Variants in HNRNPUL2 observed in about 807,000 individuals in gnomAD.
HNRNPUL2 encodes the protein heterogeneous nuclear ribonucleoprotein U like 2.
HNRNPUL2 carries 27 observed loss-of-function variants against 102.2 expected under a neutral mutation model. That is an observed-to-expected ratio of 0.26 (90% confidence interval 0.19 to 0.36). The LOEUF (loss-of-function observed/expected upper bound fraction) is 0.36, where lower values mean the gene tolerates loss of function less well. Ranked by LOEUF, HNRNPUL2 falls within the 10% of genes least tolerant of loss-of-function variation. The pLI, the probability that HNRNPUL2 is intolerant of heterozygous loss-of-function variation, is 1.00. For missense variants in HNRNPUL2, 936 were observed against 981.1 expected, an observed-to-expected ratio of 0.95 and a Z score of 0.61; for synonymous variants, 458 against 387.2, an observed-to-expected ratio of 1.18 and a Z score of -2.15.
At chr11:62,717,577 C>T (rs927529293) in intron 10 of HNRNPUL2, among the ~76,000 whole-genome samples, 1 of 152,182 alleles carries the variant, frequency 6.6e-6, no homozygotes, top group East Asian at 1.9e-4. Flanking sequence ...CAGAGATGGC[C>T]GGGCATGGTG....
chr11:62,722,771 T>TC (rs2083713421), intron 5 of HNRNPUL2, 42 bp downstream of exon 5: 1 of 1,605,414 alleles, frequency 6.2e-7, no homozygotes, highest in Non-Finnish European at 8.5e-7. Flanking sequence ...GTAAGCAATA[T>TC]GGTAGTAAAC....
rs1024830266 is a variant in HNRNPUL2 at position 62,722,445 on chromosome 11, A to G, written c.1096-65T>C. 883 of 1,560,092 alleles carry G rather than the reference A, an allele frequency of 5.7e-4. 2 individuals are homozygous for G. Among genetic ancestry groups the G allele is most frequent in the Non-Finnish European group, 4.5e-4 (516 of 1,143,838 alleles). ...GGCTTTGGGTTGATTAAACTTTACA[A>G]TTTATTCTTTTTTCACACAGACTGC... On this transcript the variant is annotated intron_variant, in intron 6 of 13. Coordinates refer to ENST00000301785, the MANE Select transcript of HNRNPUL2 (RefSeq NM_001079559.3).
chr11:62,720,602 A>C (rs536006494), intron 9 of HNRNPUL2, among the ~76,000 whole-genome samples: 1 of 149,218 alleles, frequency 6.7e-6, no homozygotes, highest in Non-Finnish European at 1.5e-5. Flanking sequence ...CACGCCTATA[A>C]TCCTGTTATC....
rs1054983993 is a variant in HNRNPUL2 at position 62,723,094 on chromosome 11, C to T, written c.892-191G>A. Reference sequence around the variant, plus strand: ...ACTGAAACTAAGGTTCTTGTTAAAGCACAGTGCTTTTACCTACCTGCACTA... The same window carrying T: ...ACTGAAACTAAGGTTCTTGTTAAAGTACAGTGCTTTTACCTACCTGCACTA... On this transcript the variant is annotated intron_variant, in intron 4 of 13. Transcript: ENST00000301785. 2.0e-5 allele frequency among the ~76,000 whole-genome samples: 3 copies of T among 152,230 alleles called. No homozygotes were observed. In the East Asian group the frequency reaches 5.8e-4, roughly 29 times the overall value.
Position 62,727,350 on chromosome 11 carries a change from C to T in HNRNPUL2, c.-194G>A. Reference sequence around the variant, plus strand: ...TGCGCAGTGTTTGCTTCTCCTTCGTCTCCCCTCCCCCTTTCGGCTCACGGA... The same window carrying T: ...TGCGCAGTGTTTGCTTCTCCTTCGTTTCCCCTCCCCCTTTCGGCTCACGGA... On this transcript the variant is annotated 5_prime_UTR_variant, in exon 1 of 14. Coordinates refer to ENST00000301785, the MANE Select transcript of HNRNPUL2 (RefSeq NM_001079559.3). The T allele has an allele frequency of 4.8e-6, 3 of 620,786 alleles. No individual in the cohort carries two copies. The highest frequency in any genetic ancestry group is 6.8e-6 in the Non-Finnish European group (3 of 442,462). 38.5% of individuals were successfully genotyped at this position (620,786 alleles called of 1,614,324 possible).
chr11:62,724,534 A>C, intron 1 of HNRNPUL2, 108 bp from the exon 2 acceptor site: 1 of 1,240,780 alleles, frequency 8.1e-7, no homozygotes. Context: ...TGATCAAAAC[A>C]GCCAGGTTAT....
chr11:62,720,293 C>T (rs2083690849), intron 9 of HNRNPUL2, 102 bp from the exon 10 acceptor site: 2 of 1,144,368 alleles, frequency 1.7e-6, no homozygotes, highest in South Asian at 2.8e-5. Flanking sequence ...CGCCTGTAAT[C>T]CTAGCACTTT....
At position 62,721,337 on chromosome 11, in the gene HNRNPUL2, G is replaced by A. The variant is rs779734767; in HGVS notation, c.1569C>T (p.Val523=). The change falls in exon 9 of 14, where the codon GTC becomes GTT. Residue 523 remains valine, a synonymous_variant. Transcript: ENST00000301785. ...QQASQCLSKL[V]QIASRTKRNF... Reference sequence around the variant, plus strand: ...TCCTCTTTGTCCGGGAAGCAATCTGGACCAGCTTACTAAGGCACTGGGAGG... The same window carrying A: ...TCCTCTTTGTCCGGGAAGCAATCTGAACCAGCTTACTAAGGCACTGGGAGG... 6.2e-7 allele frequency: 1 copy of A among 1,608,786 alleles called. No homozygotes were observed. Among genetic ancestry groups the A allele is most frequent in the African/African-American group, 1.3e-5 (1 of 74,446 alleles).
rs1437028659 is a variant in HNRNPUL2 at position 62,726,704 on chromosome 11, C to T, written c.453G>A (p.Lys151=). 2.5e-6 allele frequency: 4 copies of T among 1,600,608 alleles called. No individual in the cohort carries two copies. Among genetic ancestry groups the T allele is most frequent in the East Asian group, 4.5e-5 (2 of 44,854 alleles). The change falls in exon 1 of 14, where the codon AAG becomes AAA. Residue 151 remains lysine, a synonymous_variant. Coordinates refer to ENST00000301785, the MANE Select transcript of HNRNPUL2 (RefSeq NM_001079559.3). The part of the protein sequence containing the change: ...VNGGEEQGLG[K]REEDEPEERS... ...GCTCCTCGGGTTCGTCTTCCTCCCT[C>T]TTGCCGAGGCCCTGCTCTTCGCCAC...
In HNRNPUL2 at chr11:62,722,099, G is replaced by T. The variant is rs374190723; in HGVS notation, c.1359+18C>A. Reference sequence around the variant, plus strand: ...TGCAAAGCATACAACCTCAGTGTTCGTATACTGTTTGGCATACCTCACATT... The same window carrying T: ...TGCAAAGCATACAACCTCAGTGTTCTTATACTGTTTGGCATACCTCACATT... On this transcript the variant is annotated intron_variant, in intron 7 of 13. Transcript: ENST00000301785. 9 of 1,611,256 alleles carry T rather than the reference G, an allele frequency of 5.6e-6. No individual in the cohort carries two copies. The highest frequency in any genetic ancestry group is 7.6e-6 in the Non-Finnish European group (9 of 1,178,248).
chr11:62,723,615 G>C lies in HNRNPUL2; in HGVS notation c.863C>G (p.Thr288Arg). ...WSGARSTYGV[T>R]KGKVCFEAKV... The stretch of plus-strand genomic sequence containing the variant: ...TGCCTCAAAGCAGACTTTTCCCTTT[G>C]TCACTCCGTAAGTACTCCTTGCCCC... Residue 288 changes from threonine to arginine, a missense_variant, in exon 4 of 14, where the codon ACA (threonine) becomes AGA (arginine). By Grantham distance (71) the Thr-to-Arg change is moderately conservative. Around this residue, in one of 2 missense-constraint regions of HNRNPUL2, gnomAD observed 609 missense variants for 713.0 expected, o/e 0.85. Coordinates refer to ENST00000301785, the MANE Select transcript of HNRNPUL2 (RefSeq NM_001079559.3). 2 of 1,612,456 alleles carry C rather than the reference G, an allele frequency of 1.2e-6. No individual in the cohort carries two copies. Among genetic ancestry groups the C allele is most frequent in the Middle Eastern group, 1.7e-4 (1 of 6,060 alleles).
chr11:62,716,843 C>G, intron 11 of HNRNPUL2, 146 bp downstream of exon 11: 5 of 680,578 alleles, frequency 7.3e-6, no homozygotes, highest in Non-Finnish European at 1.2e-5. Context: ...GGATAAAGAA[C>G]ACAGGAAGAA....
At chr11:62,722,088 C>A (rs931817733) in intron 7 of HNRNPUL2, 29 bp downstream of exon 7, 8 of 1,608,136 alleles carry the variant, frequency 5.0e-6, no homozygotes, top group Non-Finnish European at 6.8e-6. Context: ...AAGCATACAA[C>A]CTCAGTGTTC....
intron 10 of HNRNPUL2, among the ~76,000 whole-genome samples, chr11:62,717,898 G>C (rs1057295638): frequency 1.3e-5 from 2 of 152,230 alleles, no homozygotes; most frequent in African/African-American, 4.8e-5. Context: ...GTCCGTGATA[G>C]GCCAGCACAT....
At chr11:62,724,770 C>T (rs879607900) in intron 1 of HNRNPUL2, among the ~76,000 whole-genome samples, 1 of 152,162 alleles carries the variant, frequency 6.6e-6, no homozygotes, top group Non-Finnish European at 1.5e-5. Flanking sequence ...AAGAAAACCT[C>T]AAAGGTTAAT....
chr11:62,714,500 A>C lies in HNRNPUL2; in HGVS notation c.*799T>G, dbSNP rs995750194. 4 of 152,266 alleles carry C rather than the reference A, an allele frequency of 2.6e-5. No homozygotes were observed. Among genetic ancestry groups the C allele is most frequent in the African/African-American group, 9.6e-5 (4 of 41,542 alleles). 9.4% of individuals were successfully genotyped at this position (152,266 alleles called of 1,614,324 possible). Reference sequence around the variant, plus strand: ...TGAGGGCTGCAATCCCATTCTCCCCAAGATTTTACAGGAATTAATCAATGG... The same window carrying C: ...TGAGGGCTGCAATCCCATTCTCCCCCAGATTTTACAGGAATTAATCAATGG... On this transcript the variant is annotated 3_prime_UTR_variant, in exon 14 of 14. Coordinates refer to ENST00000301785, the MANE Select transcript of HNRNPUL2 (RefSeq NM_001079559.3).
Position 62,712,972 on chromosome 11 carries a change from T to TA in HNRNPUL2, c.*2326dup, listed in dbSNP as rs1467811761. ...ATAATCCACATTTTCCCCCTTAACATAGTTTTTCATAATAAAAAGACAGAA... is the reference window on the plus strand; with the variant it reads ...ATAATCCACATTTTCCCCCTTAACATAAGTTTTTCATAATAAAAAGACAGAA... On this transcript the variant is annotated 3_prime_UTR_variant, in exon 14 of 14. Transcript: ENST00000301785. The TA allele has an allele frequency of 1.3e-5, 2 of 152,200 alleles. No individual in the cohort carries two copies. Among genetic ancestry groups the TA allele is most frequent in the Admixed American group, 1.3e-4 (2 of 15,280 alleles). The allele number at this position is 152,200 out of a possible 1,614,324, so 9.4% of individuals were successfully genotyped here.
Position 62,724,372 on chromosome 11 carries a change from C to A in HNRNPUL2, c.593G>T (p.Arg198Leu). The A allele has an allele frequency of 6.2e-7, 1 of 1,613,896 alleles. No individual in the cohort carries two copies. Among genetic ancestry groups the A allele is most frequent in the Non-Finnish European group, 8.5e-7 (1 of 1,179,868 alleles). ...SKPAGSDGER[R>L]GVKRQRDEKD... ...CTCATCCCGCTGTCTCTTTACCCCCCGCCGCTCACCATCTGAGCCTGCTGG... is the reference window on the plus strand; with the variant it reads ...CTCATCCCGCTGTCTCTTTACCCCCAGCCGCTCACCATCTGAGCCTGCTGG... The change falls in exon 2 of 14, where the codon CGG (arginine) becomes CTG (leucine). Residue 198 changes from arginine (R) to leucine (L), a missense_variant. Coordinates refer to ENST00000301785, the MANE Select transcript of HNRNPUL2 (RefSeq NM_001079559.3).
rs560166012 is a variant in HNRNPUL2, at chr11:62,726,815, C to T, written c.342G>A (p.Pro114=). ...GQAAQPPPEP[P]EAAAMEAAAE... is the part of the protein sequence containing the mutation. ...CCGCGGCCTCCATGGCTGCCGCCTC[C>T]GGGGGCTCCGGCGGCGGCTGCGCGG... Residue 114 remains proline, a synonymous_variant, in exon 1 of 14, where the codon CCG becomes CCA. Transcript: ENST00000301785. 8.6e-5 allele frequency: 137 copies of T among 1,593,144 alleles called. 2 individuals are homozygous for T. The South Asian group carries it at 1.4e-3, about 16-fold the overall frequency.
Sources: gnomAD v4.1 joint callset for allele counts (sites outside exome capture counted in the v4.1 genomes callset) on GRCh38, gnomAD v4.1.1 for gene constraint, gnomAD v4.1.1 regional missense constraint, MANE v1.5 for transcripts, NCBI Gene and HGNC (gene_info 2026-07-23, HGNC 2026-07-21) for gene names.